Variants in SYTL3 observed in about 807,000 individuals in gnomAD.
SYTL3 encodes the protein synaptotagmin like 3, also known as synaptotagmin-like protein 3.
A neutral mutation model predicts 82.1 loss-of-function variants in SYTL3; 88 were observed. The observed-to-expected ratio is 1.07, with a 90% CI of 0.90 to 1.28. The LOEUF is 1.28. Among genes scored for constraint, SYTL3 ranks in the 50% most tolerant of loss-of-function variants. The probability of loss-of-function intolerance (pLI) is 0.00; values close to 1 mark genes in which losing one functional copy is unlikely to be tolerated. For synonymous variants in SYTL3, 311 were observed against 289.4 expected (o/e 1.07, Z -0.76); for missense variants, 831 against 757.6 (o/e 1.10, Z -1.14).
intron 7 of SYTL3, 152 bp from the exon 8 acceptor site, chr6:158,708,170 A>C: frequency 1.4e-6 from 1 of 704,202 alleles, no homozygotes; most frequent in Non-Finnish European, 2.6e-6. Flanking sequence ...AGGTCCAAGC[A>C]GGGCTGCTGG....
At chr6:158,747,528 A>G (rs556209887) in intron 12 of SYTL3, among the ~76,000 whole-genome samples, 5 of 151,858 alleles carry the variant, frequency 3.3e-5, no homozygotes, top group African/African-American at 9.7e-5. Flanking sequence ...CAATGGCACG[A>G]TCACAGTTCA....
At chr6:158,760,552 T>G in intron 14 of SYTL3, 88 bp from the exon 15 acceptor site, 4 of 1,140,682 alleles carry the variant, frequency 3.5e-6, no homozygotes, top group Non-Finnish European at 5.3e-6. Flanking sequence ...GGGAAGCATC[T>G]GTGGACGAAG....
At chr6:158,698,219 A>T (rs1780770532) in intron 6 of SYTL3, among the ~76,000 whole-genome samples, 1 of 152,088 alleles carries the variant, frequency 6.6e-6, no homozygotes, top group African/African-American at 2.4e-5. Flanking sequence ...CAACATGGTA[A>T]AATCCCGTCT....
chr6:158,681,993 A>G (rs1283406489), intron 5 of SYTL3, among the ~76,000 whole-genome samples: 6 of 151,034 alleles, frequency 4.0e-5, no homozygotes, highest in Admixed American at 6.6e-5. Context: ...CTGGAGTGCA[A>G]TGGTGCAATC....
At position 158,682,039 on chromosome 6, in the gene SYTL3, C is replaced by T. The variant is rs1012534527; in HGVS notation, c.330-886C>T. On this transcript the variant is annotated intron_variant, in intron 5 of 17. Transcript: ENST00000611299. ...GCAACTTCCGTCTCCCAGGTTCAAG[C>T]GAAAATTCTCCTGCCTCAGCCTCCC... Among the ~76,000 whole-genome samples the T allele has an allele frequency of 3.9e-5, 6 of 152,138 alleles. No homozygotes were observed. In the East Asian group the frequency reaches 5.8e-4, roughly 15 times the overall value.
At chr6:158,651,421 C>T (rs1788000754) in intron 1 of SYTL3, among the ~76,000 whole-genome samples, 2 of 151,704 alleles carry the variant, frequency 1.3e-5, no homozygotes, top group South Asian at 4.2e-4. Flanking sequence ...TGAAACTCTA[C>T]TAAAAAATAC....
At chr6:158,656,951 A>G (rs1013220121) in intron 2 of SYTL3, among the ~76,000 whole-genome samples, 4 of 152,220 alleles carry the variant, frequency 2.6e-5, no homozygotes, top group Non-Finnish European at 5.9e-5. Context: ...TTTTAAGACT[A>G]TGTAAAGTAA....
intron 11 of SYTL3, among the ~76,000 whole-genome samples, chr6:158,736,579 A>G (rs190068759): frequency 0.013 from 2,048 of 152,206 alleles, 50 homozygotes; most frequent in African/African-American, 0.047. Context: ...ACCTGAGGTC[A>G]GGAGTTTGAG....
intron 11 of SYTL3, among the ~76,000 whole-genome samples, chr6:158,730,555 G>A (rs906285966): frequency 1.5e-4 from 23 of 152,154 alleles, no homozygotes; most frequent in Non-Finnish European, 2.8e-4. Context: ...CCACTGCCTC[G>A]TTGCGGTGGC....
chr6:158,712,017 C>T (rs974300295), intron 8 of SYTL3, among the ~76,000 whole-genome samples: 4 of 152,186 alleles, frequency 2.6e-5, no homozygotes, highest in Non-Finnish European at 4.4e-5. Flanking sequence ...CAGTAGGTCT[C>T]GGCCTCATTT....
intron 11 of SYTL3, among the ~76,000 whole-genome samples, chr6:158,730,951 T>G (rs1273478956): frequency 6.6e-6 from 1 of 152,094 alleles, no homozygotes; most frequent in Non-Finnish European, 1.5e-5. Context: ...AAGTCCCCAT[T>G]AGGGGGGAGA....
At chr6:158,662,196 A>G (rs1789456231) in intron 3 of SYTL3, among the ~76,000 whole-genome samples, 1 of 152,204 alleles carries the variant, frequency 6.6e-6, no homozygotes, top group Admixed American at 6.5e-5. Flanking sequence ...AGGGATTCCC[A>G]TAGATTTAAT....
intron 11 of SYTL3, among the ~76,000 whole-genome samples, chr6:158,744,304 C>CTTT (rs869182913): frequency 1.1e-3 from 113 of 99,210 alleles, no homozygotes; most frequent in East Asian, 1.7e-3. Context: ...CTTTTTCTTT[C>CTTT]TTTTTTTTTT....
chr6:158,678,918 A>G (rs1483058549), intron 5 of SYTL3, among the ~76,000 whole-genome samples: 1 of 152,216 alleles, frequency 6.6e-6, no homozygotes, highest in Non-Finnish European at 1.5e-5. Flanking sequence ...AACTTTCATA[A>G]CCTCATTCTG....
chr6:158,679,057 T>C (rs1282435975), intron 5 of SYTL3, among the ~76,000 whole-genome samples: 2 of 152,152 alleles, frequency 1.3e-5, no homozygotes, highest in African/African-American at 4.8e-5. Context: ...CTAAGGGCAG[T>C]GAGTGGTCCT....
rs201224448 is a variant in SYTL3, at chr6:158,763,423, G to A, written c.1637G>A (p.Arg546Lys). 1.2e-6 allele frequency: 2 copies of A among 1,614,130 alleles called. No homozygotes were observed. Among genetic ancestry groups the A allele is most frequent in the Non-Finnish European group, 1.7e-6 (2 of 1,179,962 alleles). The change falls in exon 17 of 18, where the codon AGG becomes AAG. Residue 546 changes from arginine (R) to lysine (K), a missense_variant. Arg to Lys is a conservative substitution (Grantham distance 26). Coordinates refer to ENST00000611299, the MANE Select transcript of SYTL3 (RefSeq NM_001242394.2). Reference sequence around the variant, plus strand: ...AGTGGCGTAACCCCAGCTCAGCTGAGGCAGTCAAGCTTGGAGTTAACTGTC... The same window carrying A: ...AGTGGCGTAACCCCAGCTCAGCTGAAGCAGTCAAGCTTGGAGTTAACTGTC... ...VFSGVTPAQLRQSSLELTVWD... is the reference protein window; with the variant it reads ...VFSGVTPAQLKQSSLELTVWD...
At chr6:158,764,225 C>T (rs1790429794) in intron 17 of SYTL3, among the ~76,000 whole-genome samples, 1 of 152,236 alleles carries the variant, frequency 6.6e-6, no homozygotes, top group African/African-American at 2.4e-5. Flanking sequence ...AAGACCCAGC[C>T]CACCAAACCA....
chr6:158,671,120 GA>G (rs368728068), intron 5 of SYTL3, among the ~76,000 whole-genome samples: 10 of 150,690 alleles, frequency 6.6e-5, no homozygotes, highest in African/African-American at 1.5e-4. Flanking sequence ...GTACTTTTTA[GA>G]AAAAAAAAGT....
intron 10 of SYTL3, among the ~76,000 whole-genome samples, chr6:158,719,087 G>T (rs144073295): frequency 2.0e-5 from 3 of 152,178 alleles, no homozygotes; most frequent in Non-Finnish European, 4.4e-5. Context: ...CCTGTTCTGC[G>T]CACAGCACAA....
Sources: gnomAD v4.1 joint callset for allele counts (sites outside exome capture counted in the v4.1 genomes callset) on GRCh38, gnomAD v4.1.1 for gene constraint, MANE v1.5 for transcripts, NCBI Gene and HGNC (gene_info 2026-07-23, HGNC 2026-07-21) for gene names.